The following IL5 variants were observed in gnomAD, a reference collection of about 807,000 sequenced individuals.
IL5 encodes the protein interleukin-5.
In IL5, 12 loss-of-function variants were observed where a neutral mutation model predicts 16.3. That is an observed-to-expected ratio of 0.74 (90% CI 0.47 to 1.20). The LOEUF is 1.20. Among genes scored for constraint, IL5 ranks in the 50% most tolerant of loss-of-function variants. The pLI, the probability that IL5 is intolerant of heterozygous loss-of-function variation, is 0.00. For synonymous variants in IL5, 54 were observed against 56.6 expected, an observed-to-expected ratio of 0.95 and a Z score of 0.21; for missense variants, 159 against 153.9, an observed-to-expected ratio of 1.03 and a Z score of -0.17.
At position 132,543,332 on chromosome 5, in the gene IL5, T is replaced by G. The variant is rs1749730114; in HGVS notation, c.144+3A>C. The G allele has an allele frequency of 6.2e-7, 1 of 1,613,306 alleles. No homozygotes were observed. The highest frequency in any genetic ancestry group is 1.3e-5 in the African/African-American group (1 of 74,924). ...AGACTGTAGGAATCATAAAGAAAATTACCTCATTGGCTATCAGCAGAGTTC... is the reference window on the plus strand; with the variant it reads ...AGACTGTAGGAATCATAAAGAAAATGACCTCATTGGCTATCAGCAGAGTTC... On this transcript the variant is annotated splice_donor_region_variant and intron_variant, in intron 1 of 3. Coordinates refer to ENST00000231454, the MANE Select transcript of IL5 (RefSeq NM_000879.3).
upstream of IL5, among the ~76,000 whole-genome samples, chr5:132,547,193 A>C (rs577682094): frequency 6.6e-6 from 1 of 152,350 alleles, no homozygotes; most frequent in African/African-American, 2.4e-5. Context: ...CTTTTTAAAA[A>C]AGAGAACTGT....
Position 132,541,996 on chromosome 5 carries a change from T to C in IL5, c.306+19A>G, listed in dbSNP as rs775689901. 13 of 1,613,714 alleles carry C rather than the reference T, an allele frequency of 8.1e-6. No homozygotes were observed. Among genetic ancestry groups the C allele is most frequent in the South Asian group, 3.3e-5 (3 of 90,968 alleles). Reference sequence around the variant, plus strand: ...CACAGCCAGACAAATATAGCTTCCATTGAATGTGTGTAACTTACTTTTTGG... The same window carrying C: ...CACAGCCAGACAAATATAGCTTCCACTGAATGTGTGTAACTTACTTTTTGG... On this transcript the variant is annotated intron_variant, in intron 3 of 3. Transcript: ENST00000231454.
rs140384220 is a variant in IL5, at chr5:132,554,495, A to G, written c.42+2179T>C. On this transcript the variant is annotated intron_variant, in intron 1 of 2. Coordinates refer to the IL5 transcript ENST00000450655. ...ATGCAAATCAAAATTACAATGAGGTATCACTTCACACTCATCAGGATGGCT... is the reference window on the plus strand; with the variant it reads ...ATGCAAATCAAAATTACAATGAGGTGTCACTTCACACTCATCAGGATGGCT... 3.6e-3 allele frequency among the ~76,000 whole-genome samples: 555 copies of G among 152,298 alleles called. 4 individuals carry two copies. Among genetic ancestry groups the G allele is most frequent in the African/African-American group, 0.011 (467 of 41,560 alleles).
At chr5:132,546,155 G>C (rs1580966431), upstream of IL5, among the ~76,000 whole-genome samples, 1 of 152,006 alleles carries the variant, frequency 6.6e-6, no homozygotes, top group Non-Finnish European at 1.5e-5. Context: ...GTTTAATTGT[G>C]GCAAAATACA....
At chr5:132,545,640 A>C (rs1391153656), upstream of IL5, among the ~76,000 whole-genome samples, 1 of 152,196 alleles carries the variant, frequency 6.6e-6, no homozygotes, top group African/African-American at 2.4e-5. Flanking sequence ...TGGGGGTCAC[A>C]TGAAACTATA....
chr5:132,547,788 G>A (rs1749816565), upstream of IL5, among the ~76,000 whole-genome samples: 1 of 152,092 alleles, frequency 6.6e-6, no homozygotes. Context: ...ATAATACTGC[G>A]GCGAGGCATG....
upstream of IL5, among the ~76,000 whole-genome samples, chr5:132,546,981 A>G (rs1170935295): frequency 6.6e-6 from 1 of 152,154 alleles, no homozygotes; most frequent in African/African-American, 2.4e-5. Flanking sequence ...AGCTGAGATC[A>G]CGCCACTGCA....
intron 1 of IL5, among the ~76,000 whole-genome samples, chr5:132,550,992 T>G (rs1749875089): frequency 6.6e-6 from 1 of 152,214 alleles, no homozygotes; most frequent in Non-Finnish European, 1.5e-5. Context: ...AGTCCTTGTA[T>G]TGTTCAGAAG....
In IL5 at chr5:132,542,174, A is replaced by G. The variant is rs767318487; in HGVS notation, c.178-31T>C. 12 of 1,592,584 alleles carry G rather than the reference A, an allele frequency of 7.5e-6. No homozygotes were observed. In the African/African-American group the frequency reaches 1.6e-4, roughly 22 times the overall value. ...TGAGGAAAATTTTTAAAATGCAAAT[A>G]ATCAAGACAAGGTATAAAAATTTGG... On this transcript the variant is annotated intron_variant, in intron 2 of 3. Transcript: ENST00000231454.
At chr5:132,543,589 CAGAT>C, upstream of IL5, 1 of 1,119,516 alleles carries the variant, frequency 8.9e-7, no homozygotes, top group Non-Finnish European at 1.2e-6. Context: ...TTCTAACAAT[CAGAT>C]AGAGAATGCC....
At position 132,552,389 on chromosome 5, in the gene IL5, C is replaced by T. The variant is rs114780537; in HGVS notation, c.42+4285G>A. 1.0e-2 allele frequency among the ~76,000 whole-genome samples: 1,519 copies of T among 152,248 alleles called. 27 individuals carry two copies. Among genetic ancestry groups the T allele is most frequent in the African/African-American group, 0.035 (1,436 of 41,536 alleles). On this transcript the variant is annotated intron_variant, in intron 1 of 2. Coordinates refer to the IL5 transcript ENST00000450655. ...TTCATTAATTTTAGCACCAGTGAAA[C>T]TAAATATTTTTTGGAAGTAGTAGTT...
intron 1 of IL5, among the ~76,000 whole-genome samples, chr5:132,553,931 T>G (rs1373322993): frequency 2.6e-4 from 21 of 80,736 alleles, no homozygotes; most frequent in African/African-American, 1.1e-3. Context: ...AGAGAGAGAC[T>G]CCGTCTTAAA....
chr5:132,549,694 T>C (rs1464234420), intron 1 of IL5, among the ~76,000 whole-genome samples: 1 of 152,238 alleles, frequency 6.6e-6, no homozygotes, highest in Non-Finnish European at 1.5e-5. Context: ...GCAACATGTC[T>C]TTAAAACTGA....
At chr5:132,547,023 C>G (rs960575737), upstream of IL5, among the ~76,000 whole-genome samples, 1 of 151,684 alleles carries the variant, frequency 6.6e-6, no homozygotes, top group Non-Finnish European at 1.5e-5. Flanking sequence ...GAGACTCCAT[C>G]TCAAAAAAAA....
At chr5:132,545,709 G>T (rs1216161671), upstream of IL5, among the ~76,000 whole-genome samples, 1 of 152,306 alleles carries the variant, frequency 6.6e-6, no homozygotes, top group East Asian at 1.9e-4. Flanking sequence ...ATGGTTGCCA[G>T]GTGACACACC....
At chr5:132,546,923 G>A (rs911583680), upstream of IL5, among the ~76,000 whole-genome samples, 5 of 152,158 alleles carry the variant, frequency 3.3e-5, no homozygotes, top group African/African-American at 1.2e-4. Context: ...CTACTCAGGA[G>A]GCTGAGGCAG....
At chr5:132,551,116 G>A (rs1749876668) in intron 1 of IL5, among the ~76,000 whole-genome samples, 1 of 151,902 alleles carries the variant, frequency 6.6e-6, no homozygotes, top group Admixed American at 6.6e-5. Flanking sequence ...AGTAAAACAA[G>A]GAATAAAGAA....
upstream of IL5, among the ~76,000 whole-genome samples, chr5:132,545,895 G>A (rs914717698): frequency 2.0e-5 from 3 of 152,088 alleles, no homozygotes; most frequent in Non-Finnish European, 4.4e-5. Context: ...ACTCCAGCCT[G>A]CGCAAGAGAG....
chr5:132,555,280 T>C (rs1749957655), intron 1 of IL5, among the ~76,000 whole-genome samples: 1 of 152,140 alleles, frequency 6.6e-6, no homozygotes, highest in African/African-American at 2.4e-5. Context: ...ATAAGTGAAA[T>C]GAGCCAGTCA....
Sources: allele counts gnomAD v4.1 joint callset (sites outside exome capture counted in the v4.1 genomes callset), GRCh38; gene constraint gnomAD v4.1.1; transcripts MANE v1.5; gene names NCBI Gene and HGNC (gene_info 2026-07-23, HGNC 2026-07-21).